SNX29: variants seen among roughly 807,000 people sequenced by gnomAD.
SNX29 encodes sorting nexin-29.
A neutral mutation model predicts 102.1 loss-of-function variants in SNX29; 78 were observed. That is an observed-to-expected ratio of 0.76 (90% CI 0.64 to 0.92). The LOEUF (loss-of-function observed/expected upper bound fraction) is 0.92. SNX29 is among the 40% of genes least tolerant of loss of function. The probability of loss-of-function intolerance (pLI) is 0.00; values close to 1 mark genes in which losing one functional copy is unlikely to be tolerated. For synonymous variants in SNX29, 580 were observed against 414.5 expected, an observed-to-expected ratio of 1.40 and a Z score of -4.85; for missense variants, 1,280 against 1,061.7, an observed-to-expected ratio of 1.21 and a Z score of -2.86.
chr16:11,995,704 C>T (rs1011461003), intron 1 of SNX29, among the ~76,000 whole-genome samples: 1 of 150,474 alleles, frequency 6.6e-6, no homozygotes, highest in African/African-American at 2.4e-5. Flanking sequence ...AGGGTAGGTG[C>T]TAAACCTTTA....
intron 18 of SNX29, among the ~76,000 whole-genome samples, chr16:12,424,054 G>A (rs1338571104): frequency 6.6e-6 from 1 of 152,344 alleles, no homozygotes; most frequent in East Asian, 1.9e-4. Flanking sequence ...GCTACTGGCA[G>A]CCTTAGCTTT....
intron 7 of SNX29, among the ~76,000 whole-genome samples, 156 bp downstream of exon 7, chr16:12,048,776 C>G (rs2050190777): frequency 6.6e-6 from 1 of 152,192 alleles, no homozygotes; most frequent in Admixed American, 6.5e-5. Context: ...CTCATTCACT[C>G]TGAAAGGGCT....
intron 15 of SNX29, among the ~76,000 whole-genome samples, chr16:12,302,225 A>G (rs73506164): frequency 0.031 from 4,738 of 152,318 alleles, 240 homozygotes; most frequent in African/African-American, 0.11. Flanking sequence ...ACAGATGAAT[A>G]TAAGCAAATG....
At chr16:12,023,958 C>T (rs571590126) in intron 3 of SNX29, among the ~76,000 whole-genome samples, 4 of 152,322 alleles carry the variant, frequency 2.6e-5, no homozygotes, top group African/African-American at 9.6e-5. Flanking sequence ...ATGTCGGTCA[C>T]ATTCTCTGTA....
intron 10 of SNX29, 28 bp downstream of exon 10, chr16:12,069,160 T>A: frequency 6.3e-7 from 1 of 1,587,708 alleles, no homozygotes; most frequent in Non-Finnish European, 8.6e-7. Flanking sequence ...CAGTTGCCTG[T>A]GGCATTAAAA....
At chr16:12,353,815 T>C (rs1396243592) in intron 15 of SNX29, among the ~76,000 whole-genome samples, 1 of 152,226 alleles carries the variant, frequency 6.6e-6, no homozygotes, top group Non-Finnish European at 1.5e-5. Context: ...GGTTTTACTC[T>C]TAAAGCAGTG....
In SNX29 at chr16:12,515,687, C is replaced by T. The variant is rs2089832973; in HGVS notation, c.2179-9015C>T. ...GCCAGCACTCTTTATGATGTATTCACGTATCTGCTTGTTGGCTCTACTGGA... is the reference window on the plus strand; with the variant it reads ...GCCAGCACTCTTTATGATGTATTCATGTATCTGCTTGTTGGCTCTACTGGA... On this transcript the variant is annotated intron_variant, in intron 19 of 20. Coordinates refer to ENST00000566228, the MANE Select transcript of SNX29 (RefSeq NM_032167.5). 4.7e-5 allele frequency: 22 copies of T among 465,798 alleles called. No individual in the cohort carries two copies. The Middle Eastern group carries it at 9.4e-4, about 20-fold the overall frequency. The allele number at this position is 465,798 out of a possible 1,614,324, so 28.9% of individuals were successfully genotyped here.
At chr16:12,527,123 A>C (rs979669828) in intron 20 of SNX29, 1 of 480,418 alleles carries the variant, frequency 2.1e-6, no homozygotes, top group East Asian at 4.1e-5. Flanking sequence ...GGCTTTCCTC[A>C]CTGTTCCAAA....
At chr16:12,382,832 G>T (rs1335182465) in intron 16 of SNX29, among the ~76,000 whole-genome samples, 2 of 151,882 alleles carry the variant, frequency 1.3e-5, no homozygotes, top group African/African-American at 2.4e-5. Flanking sequence ...TCTTTACTTG[G>T]CCTTCTCCTG....
intron 13 of SNX29, among the ~76,000 whole-genome samples, chr16:12,141,334 G>T (rs1597026823): frequency 3.3e-5 from 5 of 152,320 alleles, no homozygotes; most frequent in Admixed American, 3.3e-4. Context: ...AGTATCCTCG[G>T]CTCTATGCTG....
chr16:12,429,229 A>G (rs1375933340), intron 18 of SNX29, among the ~76,000 whole-genome samples: 1 of 152,210 alleles, frequency 6.6e-6, no homozygotes, highest in East Asian at 1.9e-4. Context: ...GTTAGTAACA[A>G]CACACAGATA....
chr16:12,235,489 C>T (rs1013094364), intron 14 of SNX29, among the ~76,000 whole-genome samples: 2 of 152,012 alleles, frequency 1.3e-5, no homozygotes, highest in African/African-American at 4.8e-5. Context: ...TTGTGCACTA[C>T]TGCTTGAGTT....
chr16:12,337,535 T>A (rs2081488428), intron 15 of SNX29, among the ~76,000 whole-genome samples: 1 of 151,864 alleles, frequency 6.6e-6, no homozygotes, highest in Non-Finnish European at 1.5e-5. Flanking sequence ...AGAGACGAGG[T>A]TTTGCCATAT....
chr16:12,301,607 C>G (rs1353989402), intron 15 of SNX29, among the ~76,000 whole-genome samples: 1 of 152,212 alleles, frequency 6.6e-6, no homozygotes, highest in Non-Finnish European at 1.5e-5. Flanking sequence ...GATCCCCAGT[C>G]TTCTCGATTA....
intron 18 of SNX29, among the ~76,000 whole-genome samples, chr16:12,415,895 T>TC (rs1310851971): frequency 1.3e-5 from 2 of 152,064 alleles, no homozygotes; most frequent in East Asian, 3.9e-4. Context: ...AAACCCCATC[T>TC]CCCCTGGGGA....
At chr16:12,492,455 A>G (rs995643949) in intron 19 of SNX29, among the ~76,000 whole-genome samples, 20 of 152,162 alleles carry the variant, frequency 1.3e-4, no homozygotes, top group Non-Finnish European at 1.9e-4. Context: ...AGTAGGTTGC[A>G]AAAATTTTCT....
chr16:12,190,026 C>T (rs1413000517), intron 13 of SNX29, among the ~76,000 whole-genome samples: 1 of 152,154 alleles, frequency 6.6e-6, no homozygotes, highest in African/African-American at 2.4e-5. Flanking sequence ...GTAATATATT[C>T]AGTTATTGAT....
At chr16:12,181,803 C>T (rs1306545837) in intron 13 of SNX29, among the ~76,000 whole-genome samples, 1 of 152,038 alleles carries the variant, frequency 6.6e-6, no homozygotes, top group African/African-American at 2.4e-5. Context: ...GTGACTTTAT[C>T]CTTGCCTGCT....
intron 13 of SNX29, among the ~76,000 whole-genome samples, chr16:12,190,869 A>G (rs151161093): frequency 1.0e-3 from 156 of 152,286 alleles, no homozygotes; most frequent in African/African-American, 3.5e-3. Context: ...GCTGGGGGAA[A>G]GTGCTCTGGA....
Sources: gnomAD v4.1 joint callset for allele counts (sites outside exome capture counted in the v4.1 genomes callset) on GRCh38, gnomAD v4.1.1 for gene constraint, MANE v1.5 for transcripts, NCBI Gene and HGNC (gene_info 2026-07-23, HGNC 2026-07-21) for gene names.